CACNA1A: variants seen among roughly 807,000 people sequenced by gnomAD.
CACNA1A encodes the protein calcium voltage-gated channel subunit alpha1 A.
A neutral mutation model predicts 262.4 loss-of-function variants in CACNA1A; 57 were observed. The observed-to-expected ratio is 0.22, with a 90% CI of 0.18 to 0.27. The LOEUF is 0.27. CACNA1A is among the 10% of genes least tolerant of loss of function. The probability of loss-of-function intolerance (pLI) is 1.00; values close to 1 mark genes in which losing one functional copy is unlikely to be tolerated. For missense variants in CACNA1A, 2,526 were observed against 3,562.8 expected (o/e 0.71, Z 7.41); for synonymous variants, 1,431 against 1,419.3 (o/e 1.01, Z -0.18).
chr19:13,303,889 A>C lies in CACNA1A; in HGVS notation c.1987-5T>G. On this transcript the variant is annotated splice_polypyrimidine_tract_variant and splice_region_variant and intron_variant, in intron 15 of 46. Transcript: ENST00000360228. The stretch of plus-strand genomic sequence containing the variant: ...CCAGTCTTCGCCCGTCAGGATCTGA[A>C]AGGGGAGGAAGAAACACACAGCCAA... 1.9e-6 allele frequency: 3 copies of C among 1,599,670 alleles called. No homozygotes were observed. Among genetic ancestry groups the C allele is most frequent in the Non-Finnish European group, 1.7e-6 (2 of 1,168,278 alleles).
At position 13,207,067 on chromosome 19, in the gene CACNA1A, T is replaced by G. The variant is rs936489132; in HGVS notation, c.*246A>C. 3.4e-5 allele frequency: 9 copies of G among 268,198 alleles called. No homozygotes were observed. The highest frequency in any genetic ancestry group is 2.1e-4 in the African/African-American group (9 of 42,254). 16.6% of individuals were successfully genotyped at this position (268,198 alleles called of 1,614,324 possible). On this transcript the variant is annotated 3_prime_UTR_variant, in exon 47 of 47. Coordinates refer to ENST00000360228, the MANE Select transcript of CACNA1A (RefSeq NM_001127222.2). This position sits in a 1 kb window ranked among gnomAD's most constrained non-coding sequence, Gnocchi z 5.7. ...TCCCTGCCTCCCACCCGAGAGCCCC[T>G]GTCGTGGGTGGGGGGATCGGGGCTG...
chr19:13,354,557 G>T (rs368510270), intron 6 of CACNA1A, among the ~76,000 whole-genome samples: 2 of 152,178 alleles, frequency 1.3e-5, no homozygotes, highest in African/African-American at 4.8e-5. Flanking sequence ...GACGCTACTC[G>T]TTGTTTTAGG....
intron 10 of CACNA1A, among the ~76,000 whole-genome samples, chr19:13,325,408 T>C (rs10417286): frequency 0.012 from 1,840 of 152,152 alleles, 32 homozygotes; most frequent in African/African-American, 0.042. Context: ...TTCCAAAACA[T>C]TGGGATTATA....
Position 13,300,940 on chromosome 19 carries a change from A to T in CACNA1A, c.2173-284T>A, listed in dbSNP as rs60965377. ...TACAATGAAGACTTTCCTGCAGCCT[A>T]TTTTTTTTTCTTTTGTTTGTTTTCA... On this transcript the variant is annotated intron_variant, in intron 17 of 46. Transcript: ENST00000360228. Among the ~76,000 whole-genome samples, 26,352 of 150,662 alleles carry T rather than the reference A, an allele frequency of 0.17. 2,491 individuals carry two copies. Among genetic ancestry groups the T allele is most frequent in the East Asian group, 0.36 (1,830 of 5,110 alleles).
rs1231997862 is a variant in CACNA1A, at chr19:13,299,232, C to T, written c.2401G>A (p.Glu801Lys). Residue 801 changes from glutamate to lysine, a missense_variant, in exon 19 of 47, where the codon GAG becomes AAG. Coordinates refer to ENST00000360228, the MANE Select transcript of CACNA1A (RefSeq NM_001127222.2). The part of the protein sequence containing the change: ...EALYNEMDPD[E>K]RWKAAYTRHL... ...CGCGTGTAGGCAGCCTTCCAGCGCT[C>T]GTCCGGGTCCATTTCGTTATACAGG... 8.1e-6 allele frequency: 13 copies of T among 1,610,058 alleles called. No homozygotes were observed. The highest frequency in any genetic ancestry group is 1.1e-5 in the Non-Finnish European group (13 of 1,179,876).
At chr19:13,215,370 AGTGCAATG>A (rs2054971359) in intron 38 of CACNA1A, 2 of 116,436 alleles carry the variant, frequency 1.7e-5, no homozygotes, top group Non-Finnish European at 3.3e-5. Flanking sequence ...CCCAGGCTGG[AGTGCAATG>A]GTGCAATCTC....
At position 13,241,130 on chromosome 19, in the gene CACNA1A, G is replaced by C. The variant is rs2056069711; in HGVS notation, c.4950+4052C>G. 2.6e-5 allele frequency among the ~76,000 whole-genome samples: 4 copies of C among 151,774 alleles called. No homozygotes were observed. In the South Asian group the frequency reaches 8.3e-4, roughly 31 times the overall value. ...AGCTTTCCTGGGGCCTGGGGTCCAT[G>C]GAGCTGAATGGGGGACAGGAGTGGT... On this transcript the variant is annotated intron_variant, in intron 31 of 46. Transcript: ENST00000360228. This position sits in a 1 kb window ranked among gnomAD's most constrained non-coding sequence, Gnocchi z 4.0.
intron 10 of CACNA1A, among the ~76,000 whole-genome samples, chr19:13,326,152 C>G (rs1568536854): frequency 6.6e-6 from 1 of 151,154 alleles, no homozygotes; most frequent in Non-Finnish European, 1.5e-5. Context: ...CCCATCTCTA[C>G]TAACAGTACA....
intron 17 of CACNA1A, among the ~76,000 whole-genome samples, chr19:13,301,925 C>T (rs1227071986): frequency 6.6e-6 from 1 of 151,796 alleles, no homozygotes; most frequent in Non-Finnish European, 1.5e-5. Context: ...TTTTTCAGAG[C>T]TAGGTCTCTG....
At chr19:13,280,093 A>G (rs1600231942) in intron 22 of CACNA1A, among the ~76,000 whole-genome samples, 1 of 152,156 alleles carries the variant, frequency 6.6e-6, no homozygotes, top group East Asian at 1.9e-4. Context: ...TTTATTGTCC[A>G]ATAAACATTC....
At chr19:13,497,522 ATATATATATATATATATAT>A (rs1272901749) in intron 1 of CACNA1A, among the ~76,000 whole-genome samples, 1 of 1,048 alleles carries the variant, frequency 9.5e-4, no homozygotes, top group African/African-American at 4.0e-3. Flanking sequence ...AAAAAAAAAA[ATATATATATATATATATAT>A]ATATATATAT....
rs36078876 is a variant in CACNA1A at position 13,448,082 on chromosome 19, GAAAA to G, written c.539+4790_539+4793del. On this transcript the variant is annotated intron_variant, in intron 3 of 46. Transcript: ENST00000360228. ...AGTGTTCCCATAACCGTGTTATTAT[GAAAA>G]AAAAAAAAAAACAGGGCTGCAAAAG... Among the ~76,000 whole-genome samples, 10 of 122,250 alleles carry G rather than the reference GAAAA, an allele frequency of 8.2e-5. 1 individual carries two copies. Among genetic ancestry groups the G allele is most frequent in the South Asian group, 7.9e-4 (3 of 3,794 alleles). 80.2% of individuals were successfully genotyped at this position (122,250 alleles called of 152,430 possible).
chr19:13,331,268 G>A (rs1159074896), intron 9 of CACNA1A, among the ~76,000 whole-genome samples: 3 of 152,048 alleles, frequency 2.0e-5, no homozygotes, highest in Non-Finnish European at 4.4e-5. Context: ...ACAGAGTCTT[G>A]CTCTGTCGCC....
intron 11 of CACNA1A, chr19:13,316,373 T>C (rs1380145040): frequency 2.0e-5 from 3 of 152,142 alleles, no homozygotes; most frequent in Non-Finnish European, 4.4e-5. Flanking sequence ...TTTGATACTA[T>C]CTCATGCTAA....
At chr19:13,247,375 T>C (rs545650582) in intron 30 of CACNA1A, among the ~76,000 whole-genome samples, 6 of 152,328 alleles carry the variant, frequency 3.9e-5, no homozygotes, top group African/African-American at 1.4e-4. Flanking sequence ...AGATGGGATG[T>C]TGTTGTTTCA....
intron 10 of CACNA1A, among the ~76,000 whole-genome samples, chr19:13,325,835 A>T (rs1414822043): frequency 6.6e-6 from 1 of 152,214 alleles, no homozygotes; most frequent in Non-Finnish European, 1.5e-5. Context: ...ATATGTATAC[A>T]CTATGGAGTG....
chr19:13,300,830 T>C (rs1351878221), intron 17 of CACNA1A, among the ~76,000 whole-genome samples, 174 bp from the exon 18 acceptor site: 2 of 152,190 alleles, frequency 1.3e-5, no homozygotes, highest in African/African-American at 4.8e-5. Flanking sequence ...ATCCCCTCTG[T>C]GTATAAGTTT....
In CACNA1A at chr19:13,441,663, C is replaced by T. The variant is rs573801669; in HGVS notation, c.539+11213G>A. Reference sequence around the variant, plus strand: ...TGGGCAACAGAGCAAGACCCTGTCTCGAGGAAAAAAAAAAAAAAAAAAGAG... The same window carrying T: ...TGGGCAACAGAGCAAGACCCTGTCTTGAGGAAAAAAAAAAAAAAAAAAGAG... On this transcript the variant is annotated intron_variant, in intron 3 of 46. Coordinates refer to ENST00000360228, the MANE Select transcript of CACNA1A (RefSeq NM_001127222.2). 7.2e-5 allele frequency among the ~76,000 whole-genome samples: 9 copies of T among 124,722 alleles called. No individual in the cohort carries two copies. In the East Asian group the frequency reaches 1.7e-3, roughly 23 times the overall value. 81.8% of individuals were successfully genotyped at this position (124,722 alleles called of 152,430 possible).
chr19:13,321,908 AT>A (rs1290767460), intron 10 of CACNA1A, among the ~76,000 whole-genome samples: 2 of 152,178 alleles, frequency 1.3e-5, no homozygotes, highest in Admixed American at 1.3e-4. Flanking sequence ...TTACAAAAAA[AT>A]AAAGTAATTA....
Sources: allele counts gnomAD v4.1 joint callset (sites outside exome capture counted in the v4.1 genomes callset), GRCh38; gene constraint gnomAD v4.1.1; non-coding constraint Gnocchi (gnomAD v3.1); transcripts MANE v1.5; gene names NCBI Gene and HGNC (gene_info 2026-07-23, HGNC 2026-07-21).